C10orf53: variants seen among roughly 807,000 people sequenced by gnomAD.
C10orf53 encodes the protein UPF0728 protein C10orf53.
In C10orf53, 8 loss-of-function variants were observed where a neutral mutation model predicts 9.4. The observed-to-expected ratio is 0.85, with a 90% CI of 0.50 to 1.53. The LOEUF (loss-of-function observed/expected upper bound fraction) is 1.53, where lower values mean the gene tolerates loss of function less well. Ranked by LOEUF, C10orf53 falls within the 40% of genes most tolerant of loss-of-function variation. The pLI is 0.00. For synonymous variants in C10orf53, 48 were observed against 46.0 expected, an observed-to-expected ratio of 1.04 and a Z score of -0.18; for missense variants, 117 against 117.8, an observed-to-expected ratio of 0.99 and a Z score of 0.03.
In C10orf53 at chr10:49,695,284, G is replaced by GC. The variant is rs1840624484; in HGVS notation, c.*686dup. 1 of 152,214 alleles carries GC rather than the reference G, an allele frequency of 6.6e-6. No homozygotes were observed. Among genetic ancestry groups the GC allele is most frequent in the Admixed American group, 6.5e-5 (1 of 15,286 alleles). The allele number at this position is 152,214 out of a possible 1,614,324, so 9.4% of individuals were successfully genotyped here. A position where few individuals can be genotyped will look rare whatever the true frequency, so the allele number is the denominator to read the frequency against. On this transcript the variant is annotated 3_prime_UTR_variant, in exon 3 of 3. Coordinates refer to ENST00000374111, the MANE Select transcript of C10orf53 (RefSeq NM_001042427.3). ...CCTGGTCCCTCTGGAGTAGAACACA[G>GC]CCCCATAGAGTTAAAGAGGGTTTTC... is the stretch of plus-strand genomic sequence containing the variant.
Position 49,694,784 on chromosome 10 carries a change from C to A in C10orf53, c.*182C>A. On this transcript the variant is annotated 3_prime_UTR_variant, in exon 3 of 3. Coordinates refer to ENST00000374111, the MANE Select transcript of C10orf53 (RefSeq NM_001042427.3). The stretch of plus-strand genomic sequence containing the variant: ...GATTGTCACCTGGCTGCACAGGAGC[C>A]CACAGAAATAATAAAAACCACATCA... 7.1e-7 allele frequency: 1 copy of A among 1,400,744 alleles called. No homozygotes were observed. The highest frequency in any genetic ancestry group is 9.3e-7 in the Non-Finnish European group (1 of 1,080,210). The allele number at this position is 1,400,744 out of a possible 1,614,324, so 86.8% of individuals were successfully genotyped here. A position where few individuals can be genotyped will look rare whatever the true frequency, so the allele number is the denominator to read the frequency against.
At chr10:49,699,459 T>G (rs1840664570), downstream of C10orf53, among the ~76,000 whole-genome samples, 2 of 151,896 alleles carry the variant, frequency 1.3e-5, no homozygotes, top group African/African-American at 2.4e-5. Context: ...CCTCCCAAAG[T>G]GCCGGGATTA....
chr10:49,706,045 A>G (rs1193836471), intron 2 of C10orf53, among the ~76,000 whole-genome samples: 1 of 152,256 alleles, frequency 6.6e-6, no homozygotes, highest in Non-Finnish European at 1.5e-5. Context: ...AATCAAACCC[A>G]CAATGACATA....
At chr10:49,704,692 C>T (rs934004086) in intron 2 of C10orf53, among the ~76,000 whole-genome samples, 2 of 152,032 alleles carry the variant, frequency 1.3e-5, no homozygotes, top group Admixed American at 6.6e-5. Context: ...TGCAGTGAGT[C>T]GAGATTGCAC....
chr10:49,707,618 C>G (rs1840732040), intron 2 of C10orf53, among the ~76,000 whole-genome samples: 1 of 152,154 alleles, frequency 6.6e-6, no homozygotes, highest in South Asian at 2.1e-4. Flanking sequence ...TTTAGCTGTT[C>G]AGTGGAAATT....
Position 49,694,561 on chromosome 10 carries a change from CTG to C in C10orf53, c.246_247del (p.Cys82Ter). The C allele has an allele frequency of 6.2e-7, 1 of 1,614,244 alleles. No individual in the cohort carries two copies. On this transcript the variant is annotated frameshift_variant, in exon 3 of 3. Coordinates refer to ENST00000374111, the MANE Select transcript of C10orf53 (RefSeq NM_001042427.3). LOFTEE classifies it high-confidence loss of function. ...AGGAGGCGATGGTAAACTAGACCCA[CTG>C]TGTGAAAAGGCCAGGATAGCCGTGC... ...EFGGDGKLDP[L>X]CEKARIAVLN...
downstream of C10orf53, among the ~76,000 whole-genome samples, chr10:49,700,538 T>G (rs767405955): frequency 6.6e-6 from 1 of 152,172 alleles, no homozygotes; most frequent in Non-Finnish European, 1.5e-5. Context: ...TACTCCGGGT[T>G]GGCGGTTGTG....
chr10:49,701,642 T>C (rs1840683954), downstream of C10orf53, among the ~76,000 whole-genome samples: 1 of 152,174 alleles, frequency 6.6e-6, no homozygotes, highest in African/African-American at 2.4e-5. Context: ...CATGCTGTGT[T>C]CTCTGGTTGA....
At chr10:49,707,638 T>G (rs1840732112) in intron 2 of C10orf53, among the ~76,000 whole-genome samples, 1 of 152,156 alleles carries the variant, frequency 6.6e-6, no homozygotes, top group Non-Finnish European at 1.5e-5. Context: ...TCAGCATCAC[T>G]GAGGAAATGG....
intron 1 of C10orf53, among the ~76,000 whole-genome samples, chr10:49,687,583 C>G (rs755229676): frequency 2.0e-5 from 3 of 152,192 alleles, no homozygotes; most frequent in Non-Finnish European, 4.4e-5. Context: ...TTGTTGGTAA[C>G]AGAGGAATGT....
chr10:49,694,722 G>C lies in C10orf53; in HGVS notation c.*120G>C. ...ACTGGGCTCTGCTAGTCAGAACAGG[G>C]CAACTCGGGCCTGACCTCCAGCTTA... On this transcript the variant is annotated 3_prime_UTR_variant, in exon 3 of 3. Transcript: ENST00000374111. 1 of 1,524,462 alleles carries C rather than the reference G, an allele frequency of 6.6e-7. No individual in the cohort carries two copies. The highest frequency in any genetic ancestry group is 1.9e-4 in the Middle Eastern group (1 of 5,182). The allele number at this position is 1,524,462 out of a possible 1,614,324, so 94.4% of individuals were successfully genotyped here. A position where few individuals can be genotyped will look rare whatever the true frequency, so the allele number is the denominator to read the frequency against.
intron 2 of C10orf53, among the ~76,000 whole-genome samples, chr10:49,705,576 G>A (rs1417994889): frequency 2.0e-5 from 3 of 151,876 alleles, no homozygotes; most frequent in African/African-American, 7.3e-5. Context: ...ATAGCCACAG[G>A]CAAAAGAATG....
rs985964226 is a variant in C10orf53 at position 49,696,475 on chromosome 10, C to T, written c.*1873C>T. On this transcript the variant is annotated 3_prime_UTR_variant, in exon 3 of 3. Transcript: ENST00000374111. The stretch of plus-strand genomic sequence containing the variant: ...TTAAACTGGTAACAAGTGCTTCCCT[C>T]GGCAGCCCCATGCCCTCCTCCAGCA... Among the ~76,000 whole-genome samples, 1 of 152,206 alleles carries T rather than the reference C, an allele frequency of 6.6e-6. No individual in the cohort carries two copies. Among genetic ancestry groups the T allele is most frequent in the Non-Finnish European group, 1.5e-5 (1 of 68,050 alleles).
rs1410126693 is a variant in C10orf53 at position 49,694,774 on chromosome 10, G to T, written c.*172G>T. The T allele has an allele frequency of 9.2e-6, 13 of 1,412,596 alleles. No individual in the cohort carries two copies. The East Asian group carries it at 3.3e-4, about 36-fold the overall frequency. The allele number at this position is 1,412,596 out of a possible 1,614,324, so 87.5% of individuals were successfully genotyped here. ...GCAGCCTCAGGATTGTCACCTGGCT[G>T]CACAGGAGCCCACAGAAATAATAAA... On this transcript the variant is annotated 3_prime_UTR_variant, in exon 3 of 3. Coordinates refer to ENST00000374111, the MANE Select transcript of C10orf53 (RefSeq NM_001042427.3).
chr10:49,705,839 C>T (rs1720386), intron 2 of C10orf53, among the ~76,000 whole-genome samples: 56,407 of 151,378 alleles, frequency 0.37, 12,687 homozygotes, highest in East Asian at 0.81. Flanking sequence ...GAAAAAATAA[C>T]TCACAAAATG....
chr10:49,703,470 G>T (rs572342572), intron 2 of C10orf53, among the ~76,000 whole-genome samples: 1 of 152,180 alleles, frequency 6.6e-6, no homozygotes, highest in Admixed American at 6.5e-5. Context: ...AATTGGAGCT[G>T]TTTAGCCAAG....
chr10:49,705,807 C>T (rs1206319035), intron 2 of C10orf53, among the ~76,000 whole-genome samples: 3 of 151,748 alleles, frequency 2.0e-5, no homozygotes, highest in Non-Finnish European at 2.9e-5. Context: ...GTTTGTCTTT[C>T]AAAGAACACC....
In C10orf53 at chr10:49,704,901, G is replaced by A. The variant is rs761560644; in HGVS notation, c.218-3460G>A. Among the ~76,000 whole-genome samples, 20 of 152,290 alleles carry A rather than the reference G, an allele frequency of 1.3e-4. No individual in the cohort carries two copies. In the South Asian group the frequency reaches 1.7e-3, roughly 13 times the overall value. ...TGGCATTGTCAAAAAAATCTAAAGCGTATATCTTTATACCTCCCTAAAGGG... is the reference window on the plus strand; with the variant it reads ...TGGCATTGTCAAAAAAATCTAAAGCATATATCTTTATACCTCCCTAAAGGG... On this transcript the variant is annotated intron_variant, in intron 2 of 2. Coordinates refer to the C10orf53 transcript ENST00000374112.
downstream of C10orf53, among the ~76,000 whole-genome samples, chr10:49,697,561 T>C (rs1430680269): frequency 6.6e-6 from 1 of 152,226 alleles, no homozygotes; most frequent in Non-Finnish European, 1.5e-5. Context: ...GTCTTAATTT[T>C]TTTTGTTTTT....
Sources: gnomAD v4.1 joint callset for allele counts (sites outside exome capture counted in the v4.1 genomes callset) on GRCh38, gnomAD v4.1.1 for gene constraint, MANE v1.5 for transcripts, NCBI Gene and HGNC (gene_info 2026-07-23, HGNC 2026-07-21) for gene names.